AP3B1: variants seen among roughly 807,000 people sequenced by gnomAD.
The protein encoded by AP3B1 is AP-3 complex subunit beta-1.
In AP3B1, 61 loss-of-function variants were observed where a neutral mutation model predicts 132.5. That is an observed-to-expected ratio of 0.46 (90% CI 0.37 to 0.57). The LOEUF (loss-of-function observed/expected upper bound fraction) is 0.57, where lower values mean the gene tolerates loss of function less well. Ranked by LOEUF, AP3B1 falls within the 20% of genes least tolerant of loss-of-function variation. The probability of loss-of-function intolerance (pLI) is 0.00; values close to 1 mark genes in which losing one functional copy is unlikely to be tolerated. For synonymous variants in AP3B1, 388 were observed against 438.3 expected, an observed-to-expected ratio of 0.89 and a Z score of 1.43; for missense variants, 1,120 against 1,289.4, an observed-to-expected ratio of 0.87 and a Z score of 2.01.
intron 17 of AP3B1, 72 bp from the exon 18 acceptor site, chr5:78,116,306 T>C: frequency 1.5e-6 from 2 of 1,332,552 alleles, no homozygotes; most frequent in Non-Finnish European, 2.1e-6. Flanking sequence ...AACTTAATCA[T>C]TAACAACATA....
chr5:78,173,702 T>C (rs1470688012), intron 11 of AP3B1, among the ~76,000 whole-genome samples: 1 of 150,002 alleles, frequency 6.7e-6, no homozygotes, highest in African/African-American at 2.5e-5. Context: ...GGGTGTTCTC[T>C]GTATTTCTTG....
At chr5:78,250,768 T>A (rs527373111) in intron 2 of AP3B1, among the ~76,000 whole-genome samples, 2 of 152,158 alleles carry the variant, frequency 1.3e-5, no homozygotes, top group Non-Finnish European at 2.9e-5. Flanking sequence ...TGAGGGGATG[T>A]GGCATTTTTT....
At chr5:78,213,457 T>C (rs1377299047) in intron 7 of AP3B1, among the ~76,000 whole-genome samples, 5 of 152,214 alleles carry the variant, frequency 3.3e-5, no homozygotes, top group African/African-American at 9.6e-5. Flanking sequence ...TGTACAATCC[T>C]TGATTCTAAT....
chr5:78,197,063 T>C (rs1316767604), intron 7 of AP3B1, among the ~76,000 whole-genome samples: 1 of 152,182 alleles, frequency 6.6e-6, no homozygotes, highest in Non-Finnish European at 1.5e-5. Context: ...TTGATCGTAA[T>C]GTAAAATGTT....
At chr5:78,005,835 C>A (rs1746367747) in intron 26 of AP3B1, among the ~76,000 whole-genome samples, 1 of 152,172 alleles carries the variant, frequency 6.6e-6, no homozygotes, top group African/African-American at 2.4e-5. Flanking sequence ...TTAACTCCTG[C>A]ACAGGCTATG....
intron 22 of AP3B1, among the ~76,000 whole-genome samples, chr5:78,066,035 T>C (rs1035029036): frequency 1.3e-5 from 2 of 152,062 alleles, no homozygotes; most frequent in Admixed American, 6.5e-5. Flanking sequence ...GCAAGGACAA[T>C]AGGGTCTGGA....
chr5:78,068,370 GAGA>G (rs1749383267), intron 22 of AP3B1, among the ~76,000 whole-genome samples: 1 of 150,542 alleles, frequency 6.6e-6, no homozygotes, highest in Admixed American at 6.7e-5. Context: ...GAAGGAGAAG[GAGA>G]AGGAGAAGAA....
intron 24 of AP3B1, among the ~76,000 whole-genome samples, chr5:78,030,755 G>A (rs1747542003): frequency 1.3e-5 from 2 of 152,164 alleles, no homozygotes; most frequent in South Asian, 2.1e-4. Context: ...TAGCTCACTG[G>A]AGCCTTGAAC....
chr5:78,182,218 C>A (rs1026261377), intron 7 of AP3B1, among the ~76,000 whole-genome samples: 15 of 152,312 alleles, frequency 9.8e-5, no homozygotes, highest in African/African-American at 3.4e-4. Context: ...GTTTTGAATT[C>A]TTTATCTCTG....
chr5:78,159,292 T>C (rs1367151931), intron 13 of AP3B1, among the ~76,000 whole-genome samples: 4 of 152,232 alleles, frequency 2.6e-5, no homozygotes, highest in African/African-American at 9.6e-5. Flanking sequence ...AATATGCGTT[T>C]GGCATCATTT....
At chr5:78,259,246 CAAA>C (rs58069551) in intron 2 of AP3B1, among the ~76,000 whole-genome samples, 3 of 114,658 alleles carry the variant, frequency 2.6e-5, no homozygotes, top group Non-Finnish European at 3.6e-5. Context: ...GACTCCATCT[CAAA>C]AAAAAAAAAA....
At chr5:78,195,271 T>C (rs1430628973) in intron 7 of AP3B1, among the ~76,000 whole-genome samples, 2 of 152,212 alleles carry the variant, frequency 1.3e-5, no homozygotes, top group Admixed American at 1.3e-4. Flanking sequence ...AGCTACGTGA[T>C]GTATACATAG....
Position 78,113,811 on chromosome 5 carries a change from C to T in AP3B1, c.2190G>A (p.Arg730=), listed in dbSNP as rs2112260185. The change falls in exon 19 of 27, where the codon CGG becomes CGA. Residue 730 remains arginine (R), a synonymous_variant. Coordinates refer to ENST00000255194, the MANE Select transcript of AP3B1 (RefSeq NM_003664.5). ...SSSEQDSESG[R]ESGLENKRTA... ...TTCTTTTGTTTTCTAGGCCTGACTC[C>T]CGTCCACTCTCACTGTCCTGCTCAC... The T allele has an allele frequency of 1.2e-6, 2 of 1,614,106 alleles. No individual in the cohort carries two copies. The highest frequency in any genetic ancestry group is 1.7e-6 in the Non-Finnish European group (2 of 1,180,026).
chr5:78,131,219 G>A (rs1402953858), intron 15 of AP3B1, among the ~76,000 whole-genome samples: 9 of 151,646 alleles, frequency 5.9e-5, no homozygotes, highest in Non-Finnish European at 2.9e-5. Context: ...CAAGGCATTA[G>A]TATTTCTCTG....
chr5:78,292,239 G>C (rs1749555419), intron 1 of AP3B1, among the ~76,000 whole-genome samples: 1 of 152,134 alleles, frequency 6.6e-6, no homozygotes, highest in Non-Finnish European at 1.5e-5. Flanking sequence ...TTTTATAAAT[G>C]AGAAAATGTG....
At chr5:78,106,247 C>G (rs1185295603) in intron 20 of AP3B1, among the ~76,000 whole-genome samples, 12 of 151,896 alleles carry the variant, frequency 7.9e-5, no homozygotes, top group Non-Finnish European at 4.4e-5. Context: ...CGCTTGAGCC[C>G]AGGAGGTCGA....
intron 22 of AP3B1, among the ~76,000 whole-genome samples, chr5:78,048,980 A>C (rs1748461207): frequency 6.6e-6 from 1 of 152,318 alleles, no homozygotes; most frequent in South Asian, 2.1e-4. Flanking sequence ...GACTCAGGTA[A>C]GGCTTTTGAT....
chr5:78,294,476 C>A lies in AP3B1; in HGVS notation c.104G>T (p.Gly35Val), dbSNP rs1749668081. The A allele has an allele frequency of 1.2e-6, 2 of 1,614,114 alleles. No individual in the cohort carries two copies. Among genetic ancestry groups the A allele is most frequent in the Admixed American group, 1.7e-5 (1 of 60,008 alleles). Residue 35 changes from glycine (G) to valine (V), a missense_variant, in exon 1 of 27, where the codon GGC (glycine) becomes GTC (valine). Transcript: ENST00000255194. ...TSTISPSGAFGLFSSDLKKNE... is the reference protein window; with the variant it reads ...TSTISPSGAFVLFSSDLKKNE... ...CTTCTTCAAATCGCTGCTAAAGAGGCCGAAGGCCCCCGAGGGGGAAATGGT... is the reference window on the plus strand; with the variant it reads ...CTTCTTCAAATCGCTGCTAAAGAGGACGAAGGCCCCCGAGGGGGAAATGGT...
intron 13 of AP3B1, 77 bp from the exon 14 acceptor site, chr5:78,156,444 T>C: frequency 1.8e-6 from 2 of 1,088,832 alleles, no homozygotes; most frequent in Non-Finnish European, 2.8e-6. Context: ...AAATGTAAAC[T>C]TAAATTAGAA....
Sources: allele counts gnomAD v4.1 joint callset (sites outside exome capture counted in the v4.1 genomes callset), GRCh38; gene constraint gnomAD v4.1.1; transcripts MANE v1.5; gene names NCBI Gene and HGNC (gene_info 2026-07-23, HGNC 2026-07-21).